The following TENM4 variants were observed in gnomAD, a reference collection of about 807,000 sequenced individuals.
TENM4 encodes teneurin transmembrane protein 4.
A neutral mutation model predicts 243.3 loss-of-function variants in TENM4; 82 were observed. The ratio of observed to expected loss-of-function variants is 0.34; its 90% CI spans 0.28 to 0.40. The LOEUF is 0.40. Ranked by LOEUF, TENM4 falls within the 10% of genes least tolerant of loss-of-function variation. The pLI, the probability that TENM4 is intolerant of heterozygous loss-of-function variation, is 1.00. For missense variants in TENM4, 3,138 were observed against 3,673.3 expected (o/e 0.85, Z 3.77); for synonymous variants, 1,412 against 1,456.3 (o/e 0.97, Z 0.69).
chr11:79,078,470 C>A lies in TENM4; in HGVS notation c.-65-8461G>T, dbSNP rs181277018. ...TGGGGAGGATGGCTTGTGGTGGTAC[C>A]TGTTCTTGTACCAAGTATTGTGTTG... On this transcript the variant is annotated intron_variant, in intron 4 of 33. Coordinates refer to ENST00000278550, the MANE Select transcript of TENM4 (RefSeq NM_001098816.3). Among the ~76,000 whole-genome samples the A allele has an allele frequency of 1.9e-3, 296 of 152,056 alleles. 5 individuals carry two copies. Among genetic ancestry groups the A allele is most frequent in the Admixed American group, 0.018 (271 of 15,266 alleles).
rs75266179 is a variant in TENM4 at position 79,311,189 on chromosome 11, C to T, written c.-320-13646G>A. On this transcript the variant is annotated intron_variant, in intron 1 of 33. Transcript: ENST00000278550. ...TTCTGACCGGACAAAATCCTGCATCCAACAATAATTAGTACACTGAATTCC... is the reference window on the plus strand; with the variant it reads ...TTCTGACCGGACAAAATCCTGCATCTAACAATAATTAGTACACTGAATTCC... 4.3e-3 allele frequency among the ~76,000 whole-genome samples: 657 copies of T among 152,306 alleles called. 11 individuals are homozygous for T. The highest frequency in any genetic ancestry group is 0.029 in the South Asian group (141 of 4,830).
chr11:79,035,555 A>G (rs953687404), intron 6 of TENM4, among the ~76,000 whole-genome samples: 7 of 149,528 alleles, frequency 4.7e-5, no homozygotes, highest in Non-Finnish European at 1.0e-4. Context: ...AAAAAAAAAG[A>G]AGGAAAACAA....
At chr11:78,872,826 A>T (rs1348542815) in intron 9 of TENM4, among the ~76,000 whole-genome samples, 1 of 152,174 alleles carries the variant, frequency 6.6e-6, no homozygotes, top group Non-Finnish European at 1.5e-5. Context: ...CCAGCCATGC[A>T]ACTGATTTTT....
At chr11:78,837,081 A>G (rs1052484253) in intron 12 of TENM4, among the ~76,000 whole-genome samples, 3 of 152,178 alleles carry the variant, frequency 2.0e-5, no homozygotes, top group African/African-American at 7.2e-5. Flanking sequence ...TTTAGGGTTG[A>G]CAAAAGTGTT....
At chr11:78,745,515 C>T (rs114205697) in intron 19 of TENM4, among the ~76,000 whole-genome samples, 1,867 of 151,798 alleles carry the variant, frequency 0.012, 45 homozygotes, top group African/African-American at 0.043. Context: ...CAGGCATGAG[C>T]CACTGTGCCC....
intron 1 of TENM4, among the ~76,000 whole-genome samples, chr11:79,347,211 C>G (rs1376101032): frequency 6.6e-6 from 1 of 152,184 alleles, no homozygotes; most frequent in African/African-American, 2.4e-5. Flanking sequence ...AAAAATGTGT[C>G]TGCTACATAA....
intron 6 of TENM4, among the ~76,000 whole-genome samples, chr11:79,059,668 T>G (rs180730355): frequency 6.6e-6 from 1 of 152,300 alleles, no homozygotes; most frequent in African/African-American, 2.4e-5. Context: ...AGTCACATGG[T>G]TGTGCATCCA....
chr11:79,124,893 ATGTGTGTGTGTGTG>A (rs71050209), intron 4 of TENM4, among the ~76,000 whole-genome samples: 1 of 111,744 alleles, frequency 8.9e-6, no homozygotes, highest in African/African-American at 2.9e-5. Flanking sequence ...GTATATGTAT[ATGTGTGTGTGTGTG>A]TGTGTGTGTG....
intron 1 of TENM4, among the ~76,000 whole-genome samples, chr11:79,380,505 G>T (rs1034434682): frequency 9.9e-5 from 15 of 152,190 alleles, no homozygotes; most frequent in Admixed American, 4.6e-4. Context: ...GTTTACTGAA[G>T]AGTCATTTGG....
Position 78,657,987 on chromosome 11 carries a change from A to G in TENM4, c.*71T>C, listed in dbSNP as rs1274902969. 1.2e-6 allele frequency: 2 copies of G among 1,602,540 alleles called. No individual in the cohort carries two copies. Among genetic ancestry groups the G allele is most frequent in the East Asian group, 4.5e-5 (2 of 44,782 alleles). ...CTTGTTAAAAAATCATTTTTTTAAA[A>G]GTACAACACAGTCAGGTATGCGGCC... On this transcript the variant is annotated 3_prime_UTR_variant, in exon 34 of 34. Transcript: ENST00000278550.
chr11:78,668,908 C>T (rs770792213), intron 32 of TENM4, 29 bp downstream of exon 32: 12 of 1,594,320 alleles, frequency 7.5e-6, no homozygotes, highest in Admixed American at 1.7e-5. Flanking sequence ...TTTATGGGGT[C>T]CTGCCCCTGA....
intron 2 of TENM4, among the ~76,000 whole-genome samples, chr11:79,217,885 G>A (rs573722563): frequency 6.6e-6 from 1 of 152,152 alleles, no homozygotes; most frequent in African/African-American, 2.4e-5. Context: ...ACCACGGCTG[G>A]CTAATTTTTG....
In TENM4 at chr11:78,701,851, G is replaced by A. The variant is rs779352693; in HGVS notation, c.4762C>T (p.Leu1588=). Residue 1588 remains leucine, a synonymous_variant, in exon 28 of 34, where the codon CTG becomes TTG. Coordinates refer to ENST00000278550, the MANE Select transcript of TENM4 (RefSeq NM_001098816.3). ...AGGTGCTTGCCGGTGGTATCAAACAGATAGAGCTCCTGGTCAATTGGTGAA... is the reference window on the plus strand; with the variant it reads ...AGGTGCTTGCCGGTGGTATCAAACAAATAGAGCTCCTGGTCAATTGGTGAA... The part of the protein sequence containing the change: ...LSSPIDQELY[L]FDTTGKHLYT... The A allele has an allele frequency of 3.7e-6, 6 of 1,614,036 alleles. No individual in the cohort carries two copies. Among genetic ancestry groups the A allele is most frequent in the East Asian group, 4.5e-5 (2 of 44,886 alleles).
chr11:79,380,897 T>C (rs2135524691), intron 1 of TENM4, among the ~76,000 whole-genome samples: 1 of 152,318 alleles, frequency 6.6e-6, no homozygotes, highest in South Asian at 2.1e-4. Context: ...GTAGTAAGGC[T>C]TGGGGCTGTG....
intron 3 of TENM4, among the ~76,000 whole-genome samples, chr11:79,175,662 C>A (rs77265870): frequency 6.6e-6 from 1 of 152,124 alleles, no homozygotes; most frequent in Non-Finnish European, 1.5e-5. Context: ...CAGAGCTCAA[C>A]GGTATTTATT....
intron 12 of TENM4, among the ~76,000 whole-genome samples, chr11:78,819,364 C>A (rs1356764649): frequency 6.6e-6 from 1 of 152,194 alleles, no homozygotes; most frequent in Non-Finnish European, 1.5e-5. Flanking sequence ...TCATTTGCAT[C>A]CTTCTGGTTT....
intron 6 of TENM4, among the ~76,000 whole-genome samples, chr11:78,972,560 C>G (rs1156614479): frequency 6.6e-6 from 1 of 152,126 alleles, no homozygotes; most frequent in African/African-American, 2.4e-5. Flanking sequence ...AAGAAGAGAG[C>G]CCTTTAGGTT....
At chr11:78,768,083 A>G (rs145599842) in intron 18 of TENM4, among the ~76,000 whole-genome samples, 14 of 152,322 alleles carry the variant, frequency 9.2e-5, no homozygotes, top group African/African-American at 3.4e-4. Flanking sequence ...GGCACAGAGT[A>G]ATAGAGGCCA....
At chr11:78,879,679 C>A (rs529285880) in intron 9 of TENM4, among the ~76,000 whole-genome samples, 9 of 148,802 alleles carry the variant, frequency 6.0e-5, no homozygotes, top group Non-Finnish European at 1.3e-4. Context: ...AGGTGAGGAG[C>A]GCCTCTACCT....
Sources: gnomAD v4.1 joint callset for allele counts (sites outside exome capture counted in the v4.1 genomes callset) on GRCh38, gnomAD v4.1.1 for gene constraint, MANE v1.5 for transcripts, NCBI Gene and HGNC (gene_info 2026-07-23, HGNC 2026-07-21) for gene names.